Variants in ZC3H10 observed in about 807,000 individuals in gnomAD.
ZC3H10 encodes the protein zinc finger CCCH-type containing 10.
In ZC3H10, 12 loss-of-function variants were observed where a neutral mutation model predicts 24.3. The observed-to-expected ratio is 0.49, with a 90% CI of 0.32 to 0.80. The LOEUF (loss-of-function observed/expected upper bound fraction) is 0.80, where lower values mean the gene tolerates loss of function less well. Among genes scored for constraint, ZC3H10 ranks in the 30% least tolerant of loss-of-function variants. ZC3H10 has a pLI of 0.04. For synonymous variants in ZC3H10, 226 were observed against 217.0 expected, an observed-to-expected ratio of 1.04 and a Z score of -0.36; for missense variants, 360 against 576.3, an observed-to-expected ratio of 0.62 and a Z score of 3.84.
rs991207302 is a variant in ZC3H10, at chr12:56,127,258, T to C, written c.*5391T>C. On this transcript the variant is annotated 3_prime_UTR_variant, in exon 3 of 3. Transcript: ENST00000257940. The stretch of plus-strand genomic sequence containing the variant: ...CCGTACACTGTGGGACTGCACTAGT[T>C]CTGCACCTGACTGTATGGCAAACCT... The C allele has an allele frequency of 6.6e-6, 1 of 152,224 alleles. No homozygotes were observed. The highest frequency in any genetic ancestry group is 2.4e-5 in the African/African-American group (1 of 41,450). The allele number at this position is 152,224 out of a possible 1,614,324, so 9.4% of individuals were successfully genotyped here. A position where few individuals can be genotyped will look rare whatever the true frequency, so the allele number is the denominator to read the frequency against.
chr12:56,120,842 T>TTCATCCATGGC lies in ZC3H10; in HGVS notation c.283_293dup (p.Lys99SerfsTer21). 1 of 1,614,170 alleles carries TTCATCCATGGC rather than the reference T, an allele frequency of 6.2e-7. No individual in the cohort carries two copies. Among genetic ancestry groups the TTCATCCATGGC allele is most frequent in the Non-Finnish European group, 8.5e-7 (1 of 1,180,044 alleles). On this transcript the variant is annotated frameshift_variant, in exon 3 of 3. Transcript: ENST00000257940. LOFTEE classifies it high-confidence loss of function. ...GGAGTGTAGCCGCCCAAATTGCCGT[T>TTCATCCATGGC]TCATCCATGGCTCCAAGGAGGATGA...
chr12:56,127,086 G>T lies in ZC3H10; in HGVS notation c.*5219G>T, dbSNP rs1457499948. On this transcript the variant is annotated 3_prime_UTR_variant, in exon 3 of 3. Coordinates refer to ENST00000257940, the MANE Select transcript of ZC3H10 (RefSeq NM_032786.3). ...ATGCCCCATATATACTGCATTAAAA[G>T]GTAATCATCTTATGACCAACACTTC... 1 of 152,152 alleles carries T rather than the reference G, an allele frequency of 6.6e-6. No homozygotes were observed. Among genetic ancestry groups the T allele is most frequent in the Non-Finnish European group, 1.5e-5 (1 of 68,038 alleles). The allele number at this position is 152,152 out of a possible 1,614,324, so 9.4% of individuals were successfully genotyped here.
chr12:56,120,893 C>T lies in ZC3H10; in HGVS notation c.331C>T (p.Leu111Phe). The change falls in exon 3 of 3, where the codon CTT becomes TTT. Residue 111 changes from leucine to phenylalanine, a missense_variant. Coordinates refer to ENST00000257940, the MANE Select transcript of ZC3H10 (RefSeq NM_032786.3). Reference sequence around the variant, plus strand: ...GGATGGCTATAAGAAGACAGGAGAGCTTCCCCCACGGCTGAGGCAGAAAGT... The same window carrying T: ...GGATGGCTATAAGAAGACAGGAGAGTTTCCCCCACGGCTGAGGCAGAAAGT... ...DEDGYKKTGE[L>F]PPRLRQKVAA... The T allele has an allele frequency of 2.5e-6, 4 of 1,614,180 alleles. No homozygotes were observed. Among genetic ancestry groups the T allele is most frequent in the Non-Finnish European group, 3.4e-6 (4 of 1,180,030 alleles).
chr12:56,120,667 G>T lies in ZC3H10; in HGVS notation c.105G>T (p.Gly35=). 2 of 1,598,598 alleles carry T rather than the reference G, an allele frequency of 1.3e-6. No individual in the cohort carries two copies. Among genetic ancestry groups the T allele is most frequent in the South Asian group, 2.3e-5 (2 of 88,378 alleles). The change falls in exon 3 of 3, where the codon GGG becomes GGT. Residue 35 remains glycine, a synonymous_variant. Transcript: ENST00000257940. The part of the protein sequence containing the change: ...EASGAGVGSG[G]ASSDAICRDF... Reference sequence around the variant, plus strand: ...GTGGGGCAGGGGTAGGCAGTGGCGGGGCCAGCTCAGATGCCATCTGTAGAG... The same window carrying T: ...GTGGGGCAGGGGTAGGCAGTGGCGGTGCCAGCTCAGATGCCATCTGTAGAG...
At position 56,120,652 on chromosome 12, in the gene ZC3H10, G is replaced by A. The variant is rs765391170; in HGVS notation, c.90G>A (p.Gly30=). 4 of 1,610,978 alleles carry A rather than the reference G, an allele frequency of 2.5e-6. No homozygotes were observed. Among genetic ancestry groups the A allele is most frequent in the South Asian group, 1.1e-5 (1 of 90,784 alleles). The part of the protein sequence containing the change: ...GGGSEEASGA[G]VGSGGASSDA... ...GCAGCGAGGAGGCCAGTGGGGCAGG[G>A]GTAGGCAGTGGCGGGGCCAGCTCAG... Residue 30 remains glycine, a synonymous_variant, in exon 3 of 3, where the codon GGG becomes GGA. Transcript: ENST00000257940.
Position 56,121,678 on chromosome 12 carries a change from A to C in ZC3H10, c.1116A>C (p.Thr372=). The C allele has an allele frequency of 6.2e-7, 1 of 1,613,178 alleles. No homozygotes were observed. The highest frequency in any genetic ancestry group is 1.7e-5 in the Admixed American group (1 of 59,956). ...CACTGTCAGCTGCCCTGGCTCAAAC[A>C]ATTGCCCAGGGAATGGCACCTCCAC... The part of the protein sequence containing the change: ...ITPLSAALAQ[T]IAQGMAPPPV... The change falls in exon 3 of 3, where the codon ACA becomes ACC. Residue 372 remains threonine, a synonymous_variant. Coordinates refer to ENST00000257940, the MANE Select transcript of ZC3H10 (RefSeq NM_032786.3). The surrounding 1 kb of genome is among the most constrained non-coding windows in gnomAD (Gnocchi z 6.2).
Position 56,121,312 on chromosome 12 carries a change from G to C in ZC3H10, c.750G>C (p.Arg250=), listed in dbSNP as rs907606088. Residue 250 remains arginine (R), a synonymous_variant, in exon 3 of 3, where the codon CGG becomes CGC. Coordinates refer to ENST00000257940, the MANE Select transcript of ZC3H10 (RefSeq NM_032786.3). The surrounding 1 kb of genome is among the most constrained non-coding windows in gnomAD (Gnocchi z 6.2). ...LEEENAMLRK[R]VEELKKQVSN... ...AGGAGAATGCCATGCTCAGGAAGCG[G>C]GTAGAGGAGTTAAAGAAGCAGGTCA... is the stretch of plus-strand genomic sequence containing the variant. 10 of 1,613,594 alleles carry C rather than the reference G, an allele frequency of 6.2e-6. No individual in the cohort carries two copies. The highest frequency in any genetic ancestry group is 7.6e-6 in the Non-Finnish European group (9 of 1,180,012).
Position 56,121,717 on chromosome 12 carries a change from T to G in ZC3H10, c.1155T>G (p.Ala385=). The G allele has an allele frequency of 6.2e-7, 1 of 1,613,704 alleles. No homozygotes were observed. Among genetic ancestry groups the G allele is most frequent in the Non-Finnish European group, 8.5e-7 (1 of 1,179,948 alleles). ...TGGCACCTCCACCTGTCTCCATGGCTCCTGTGGCTGTATCTGTGGCTCCTG... is the reference window on the plus strand; with the variant it reads ...TGGCACCTCCACCTGTCTCCATGGCGCCTGTGGCTGTATCTGTGGCTCCTG... ...QGMAPPPVSM[A]PVAVSVAPVA... is the part of the protein sequence containing the mutation. The change falls in exon 3 of 3, where the codon GCT becomes GCG. Residue 385 remains alanine, a synonymous_variant. Transcript: ENST00000257940. The surrounding 1 kb of genome is among the most constrained non-coding windows in gnomAD (Gnocchi z 6.2).
At chr12:56,120,414 C>T in intron 2 of ZC3H10, 97 bp from the exon 3 acceptor site, 1 of 1,391,044 alleles carries the variant, frequency 7.2e-7, no homozygotes, top group Non-Finnish European at 9.3e-7. Flanking sequence ...TTCTCCATCT[C>T]TAAAGCCATT....
In ZC3H10 at chr12:56,121,420, C is replaced by T. The variant is rs113893957; in HGVS notation, c.858C>T (p.Ser286=). Residue 286 remains serine (S), a synonymous_variant, in exon 3 of 3, where the codon TCC becomes TCT. Coordinates refer to ENST00000257940, the MANE Select transcript of ZC3H10 (RefSeq NM_032786.3). The surrounding 1 kb of genome is among the most constrained non-coding windows in gnomAD (Gnocchi z 6.2). ...AGGCCAAGGTCATAACCCTGAGCTC[C>T]ACTGCACCAGCGACTGAGCAGACTC... The part of the protein sequence containing the change: ...RNQAKVITLS[S]TAPATEQTLA... 5.3e-5 allele frequency: 85 copies of T among 1,612,232 alleles called. No homozygotes were observed. Among genetic ancestry groups the T allele is most frequent in the African/African-American group, 5.1e-4 (38 of 74,982 alleles).
In ZC3H10 at chr12:56,121,251, C is replaced by T. The variant is rs1212068961; in HGVS notation, c.689C>T (p.Ala230Val). 3 of 1,613,160 alleles carry T rather than the reference C, an allele frequency of 1.9e-6. No individual in the cohort carries two copies. Among genetic ancestry groups the T allele is most frequent in the Non-Finnish European group, 1.7e-6 (2 of 1,180,008 alleles). Residue 230 changes from alanine (A) to valine (V), a missense_variant, in exon 3 of 3, where the codon GCT becomes GTT. Physicochemically the swap from Ala to Val is moderately conservative, Grantham distance 64. Coordinates refer to ENST00000257940, the MANE Select transcript of ZC3H10 (RefSeq NM_032786.3). This position sits in a 1 kb window ranked among gnomAD's most constrained non-coding sequence, Gnocchi z 6.2. ...TTTGAGTCATATGAATATAGTTTGG[C>T]TCCACCGCGAGGGGTGGAGTGCAGA... Reference protein sequence around the residue: ...PHFESYEYSLAPPRGVECRLL... With the variant: ...PHFESYEYSLVPPRGVECRLL...
intron 2 of ZC3H10, chr12:56,119,605 T>TG (rs1869748867): frequency 6.6e-6 from 1 of 152,224 alleles, no homozygotes; most frequent in African/African-American, 2.4e-5. Context: ...CAGGTCTTAC[T>TG]GGGGGTGGAG....
rs1869792243 is a variant in ZC3H10 at position 56,120,851 on chromosome 12, G to T, written c.289G>T (p.Gly97Cys). ...CCGCCCAAATTGCCGTTTCATCCAT[G>T]GCTCCAAGGAGGATGAGGATGGCTA... ...CSRPNCRFIH[G>C]SKEDEDGYKK... The change falls in exon 3 of 3, where the codon GGC becomes TGC. Residue 97 changes from glycine to cysteine, a missense_variant. This residue lies in a region of ZC3H10 where 126 missense variants were observed against 208.8 expected (regional missense o/e 0.60). Coordinates refer to ENST00000257940, the MANE Select transcript of ZC3H10 (RefSeq NM_032786.3). 6.2e-7 allele frequency: 1 copy of T among 1,614,088 alleles called. No homozygotes were observed. Among genetic ancestry groups the T allele is most frequent in the Non-Finnish European group, 8.5e-7 (1 of 1,180,052 alleles).
rs1870015620 is a variant in ZC3H10, at chr12:56,127,020, C to G, written c.*5153C>G. On this transcript the variant is annotated 3_prime_UTR_variant, in exon 3 of 3. Transcript: ENST00000257940. Reference sequence around the variant, plus strand: ...AAATGGCTAGTTTCTTCCCAGTGATCAACCCCAGTTCTTCTGCTGCATCTG... The same window carrying G: ...AAATGGCTAGTTTCTTCCCAGTGATGAACCCCAGTTCTTCTGCTGCATCTG... 3 of 152,224 alleles carry G rather than the reference C, an allele frequency of 2.0e-5. No homozygotes were observed. Among genetic ancestry groups the G allele is most frequent in the Non-Finnish European group, 4.4e-5 (3 of 68,044 alleles). 9.4% of individuals were successfully genotyped at this position (152,224 alleles called of 1,614,324 possible).
In ZC3H10 at chr12:56,121,744, G is replaced by A; in HGVS notation, c.1182G>A (p.Val394=). ...MAPVAVSVAP[V]APVAVSMAQP... Reference sequence around the variant, plus strand: ...CTGTGGCTGTATCTGTGGCTCCTGTGGCCCCTGTGGCTGTATCGATGGCCC... The same window carrying A: ...CTGTGGCTGTATCTGTGGCTCCTGTAGCCCCTGTGGCTGTATCGATGGCCC... Residue 394 remains valine (V), a synonymous_variant, in exon 3 of 3, where the codon GTG becomes GTA. Transcript: ENST00000257940. This position sits in a 1 kb window ranked among gnomAD's most constrained non-coding sequence, Gnocchi z 6.2. 1 of 1,614,060 alleles carries A rather than the reference G, an allele frequency of 6.2e-7. No homozygotes were observed. The highest frequency in any genetic ancestry group is 1.1e-5 in the South Asian group (1 of 91,060).
rs925918444 is a variant in ZC3H10, at chr12:56,124,615, T to A, written c.*2748T>A. On this transcript the variant is annotated 3_prime_UTR_variant, in exon 3 of 3. Transcript: ENST00000257940. Reference sequence around the variant, plus strand: ...GGTTAGCGCATTTATGTTAGAGAAATCTCTGTTCTCTAGTGATAAGCCCAA... The same window carrying A: ...GGTTAGCGCATTTATGTTAGAGAAAACTCTGTTCTCTAGTGATAAGCCCAA... The A allele has an allele frequency of 6.6e-6, 1 of 152,192 alleles. No individual in the cohort carries two copies. The highest frequency in any genetic ancestry group is 1.5e-5 in the Non-Finnish European group (1 of 68,040). The allele number at this position is 152,192 out of a possible 1,614,324, so 9.4% of individuals were successfully genotyped here. A position where few individuals can be genotyped will look rare whatever the true frequency, so the allele number is the denominator to read the frequency against.
rs1001936374 is a variant in ZC3H10 at position 56,126,715 on chromosome 12, C to G, written c.*4848C>G. The G allele has an allele frequency of 5.3e-5, 8 of 152,146 alleles. No homozygotes were observed. Among genetic ancestry groups the G allele is most frequent in the Non-Finnish European group, 8.8e-5 (6 of 68,018 alleles). The allele number at this position is 152,146 out of a possible 1,614,324, so 9.4% of individuals were successfully genotyped here. A position where few individuals can be genotyped will look rare whatever the true frequency, so the allele number is the denominator to read the frequency against. Reference sequence around the variant, plus strand: ...AGGTCACTCATAATTCCTCCAATTTCCTTGTTTCCCTTTTCTACCTGCTTA... The same window carrying G: ...AGGTCACTCATAATTCCTCCAATTTGCTTGTTTCCCTTTTCTACCTGCTTA... On this transcript the variant is annotated 3_prime_UTR_variant, in exon 3 of 3. Coordinates refer to ENST00000257940, the MANE Select transcript of ZC3H10 (RefSeq NM_032786.3).
rs1404477236 is a variant in ZC3H10 at position 56,123,341 on chromosome 12, AAAAGCCT to A, written c.*1479_*1485del. ...TAGGTCAAGGCCAGTCATTAAAAAA[AAAAGCCT>A]AAAGACTAAAAGTGGGCTAACATTG... is the stretch of plus-strand genomic sequence containing the variant. On this transcript the variant is annotated 3_prime_UTR_variant, in exon 3 of 3. Coordinates refer to ENST00000257940, the MANE Select transcript of ZC3H10 (RefSeq NM_032786.3). 6.6e-6 allele frequency: 1 copy of A among 152,146 alleles called. No individual in the cohort carries two copies. 9.4% of individuals were successfully genotyped at this position (152,146 alleles called of 1,614,324 possible). A position where few individuals can be genotyped will look rare whatever the true frequency, so the allele number is the denominator to read the frequency against.
chr12:56,121,852 G>A lies in ZC3H10; in HGVS notation c.1290G>A (p.Thr430=), dbSNP rs755078729. ...TCGCTTCCCAGAGCATGCGCATCAC[G>A]GCCATGCCACACTGATGGGGCTAAT... ...YPIASQSMRI[T]AMPH Residue 430 remains threonine, a synonymous_variant, in exon 3 of 3, where the codon ACG becomes ACA. Coordinates refer to ENST00000257940, the MANE Select transcript of ZC3H10 (RefSeq NM_032786.3). The surrounding 1 kb of genome is among the most constrained non-coding windows in gnomAD (Gnocchi z 6.2). 55 of 1,610,064 alleles carry A rather than the reference G, an allele frequency of 3.4e-5. No homozygotes were observed. Among genetic ancestry groups the A allele is most frequent in the Middle Eastern group, 1.6e-4 (1 of 6,062 alleles).
Sources: allele counts gnomAD v4.1 joint callset, GRCh38; gene constraint gnomAD v4.1.1; regional missense constraint gnomAD v4.1.1; non-coding constraint Gnocchi (gnomAD v3.1); transcripts MANE v1.5; gene names NCBI Gene and HGNC (gene_info 2026-07-23, HGNC 2026-07-21).